The following ZC3H12B variants were observed in gnomAD, a reference collection of about 807,000 sequenced individuals.
ZC3H12B encodes zinc finger CCCH-type containing 12B, also known as probable ribonuclease ZC3H12B.
In ZC3H12B, 7 loss-of-function variants were observed where a neutral mutation model predicts 43.9. The observed-to-expected ratio is 0.16, with a 90% CI of 0.09 to 0.30. The LOEUF is 0.30. Among genes scored for constraint, ZC3H12B ranks in the 10% least tolerant of loss-of-function variants. The probability of loss-of-function intolerance (pLI) is 1.00; values close to 1 mark genes in which losing one functional copy is unlikely to be tolerated. For missense variants in ZC3H12B, 475 were observed against 670.2 expected (o/e 0.71, Z 3.22); for synonymous variants, 222 against 241.7 (o/e 0.92, Z 0.76).
chrX:65,065,955 G>T, the ZC3H12B span, among the ~76,000 whole-genome samples: 1 of 106,297 alleles, frequency 9.4e-6, no homozygotes, highest in Non-Finnish European at 1.9e-5. Context: ...ACTTGTGCAT[G>T]CTTCACAAAG....
At chrX:65,362,193 C>G (rs1385944463), upstream of ZC3H12B, among the ~76,000 whole-genome samples, 1 of 111,883 alleles carries the variant, frequency 8.9e-6, no homozygotes, top group African/African-American at 3.3e-5. Context: ...AAGACTGACA[C>G]TGCCCGATCG....
chrX:65,232,622 T>G, the ZC3H12B span, among the ~76,000 whole-genome samples: 2 of 111,317 alleles, frequency 1.8e-5, no homozygotes, highest in East Asian at 2.8e-4. Context: ...AAGCAAGAAA[T>G]TAAAACATAC....
intron 3 of ZC3H12B, among the ~76,000 whole-genome samples, chrX:65,483,636 A>T (rs1418005297): frequency 1.8e-5 from 2 of 112,034 alleles, no homozygotes; most frequent in Non-Finnish European, 3.8e-5. Context: ...GAGAGCATAT[A>T]TGTGAATGCT....
At chrX:65,410,344 C>A (rs1198185078) in intron 3 of ZC3H12B, among the ~76,000 whole-genome samples, 1 of 111,729 alleles carries the variant, frequency 9.0e-6, no homozygotes, top group African/African-American at 3.3e-5. Context: ...AATATAAGAC[C>A]TCAAACTATG....
chrX:65,499,662 A>G (rs189053168), intron 3 of ZC3H12B, among the ~76,000 whole-genome samples: 129 of 111,552 alleles, frequency 1.2e-3, no homozygotes, highest in African/African-American at 4.1e-3. Context: ...TCAAACATGT[A>G]GTTCATGGAA....
chrX:65,502,984 G>A (rs1470338095), exon 5 of ZC3H12B: 1 of 1,209,703 alleles, frequency 8.3e-7, no homozygotes, highest in East Asian at 3.0e-5. Context: ...TCATGGTACG[G>A]AGCGTGCCTG....
chrX:65,110,654 G>A, the ZC3H12B span, among the ~76,000 whole-genome samples: 6 of 111,115 alleles, frequency 5.4e-5, no homozygotes, highest in Admixed American at 3.8e-4. Context: ...ATTACTGTTC[G>A]AATCAGGAAG....
At chrX:65,437,709 T>C (rs2067238103) in intron 3 of ZC3H12B, among the ~76,000 whole-genome samples, 1 of 105,323 alleles carries the variant, frequency 9.5e-6, no homozygotes, top group African/African-American at 4.1e-5. Flanking sequence ...CTTCACTTCG[T>C]TGACTCTTTC....
At chrX:65,389,327 C>T (rs892041543) in intron 2 of ZC3H12B, among the ~76,000 whole-genome samples, 3 of 112,082 alleles carry the variant, frequency 2.7e-5, no homozygotes, top group African/African-American at 9.7e-5. Context: ...ACTCAAGCCT[C>T]GGCAATGGCA....
At chrX:65,209,711 A>G in the ZC3H12B span, among the ~76,000 whole-genome samples, 1 of 109,526 alleles carries the variant, frequency 9.1e-6, no homozygotes, top group Admixed American at 9.9e-5. Context: ...TACTGGTACC[A>G]AAACAGAGAT....
the ZC3H12B span, among the ~76,000 whole-genome samples, chrX:65,313,463 G>A: frequency 8.9e-6 from 1 of 111,840 alleles, no homozygotes; most frequent in African/African-American, 3.2e-5. Flanking sequence ...TTCTATTTGT[G>A]GGTGCACATA....
chrX:65,095,898 C>A, the ZC3H12B span, among the ~76,000 whole-genome samples: 1 of 110,790 alleles, frequency 9.0e-6, no homozygotes, highest in Non-Finnish European at 1.9e-5. Context: ...AATTCTTCCC[C>A]TTCCCCTACA....
At chrX:65,222,516 T>C in the ZC3H12B span, among the ~76,000 whole-genome samples, 1 of 108,965 alleles carries the variant, frequency 9.2e-6, no homozygotes, top group Non-Finnish European at 1.9e-5. Flanking sequence ...AAAATTAATG[T>C]ACACAAATCA....
the ZC3H12B span, among the ~76,000 whole-genome samples, chrX:65,155,640 G>A: frequency 1.1e-4 from 12 of 111,236 alleles, no homozygotes; most frequent in Admixed American, 2.9e-4. Context: ...GATCCATTGA[G>A]CCCAGGAGTT....
the ZC3H12B span, among the ~76,000 whole-genome samples, chrX:65,063,372 G>A: frequency 8.9e-6 from 1 of 111,859 alleles, no homozygotes; most frequent in Non-Finnish European, 1.9e-5. Context: ...TAGCATGAAG[G>A]CCTGTTGAAT....
the ZC3H12B span, among the ~76,000 whole-genome samples, chrX:65,125,054 A>G: frequency 4.6e-5 from 5 of 108,839 alleles, no homozygotes; most frequent in Non-Finnish European, 7.7e-5. Context: ...TGTTTCTCCA[A>G]TTTTTTGAGG....
intron 2 of ZC3H12B, among the ~76,000 whole-genome samples, chrX:65,383,273 G>C (rs181471065): frequency 1.2e-3 from 138 of 111,797 alleles, no homozygotes; most frequent in Non-Finnish European, 1.9e-3. Flanking sequence ...CAATGGAACA[G>C]AACAGAGACA....
the ZC3H12B span, among the ~76,000 whole-genome samples, chrX:65,262,180 C>T: frequency 4.7e-4 from 52 of 110,981 alleles, no homozygotes; most frequent in Admixed American, 2.0e-3. Context: ...TGTTTTAAAA[C>T]GCAAAGTTTT....
At chrX:65,290,768 A>G in the ZC3H12B span, among the ~76,000 whole-genome samples, 1 of 111,564 alleles carries the variant, frequency 9.0e-6, no homozygotes, top group Non-Finnish European at 1.9e-5. Flanking sequence ...GACAAATGCC[A>G]CATATTCTCA....
Sources: allele counts gnomAD v4.1 joint callset (sites outside exome capture counted in the v4.1 genomes callset), GRCh38; gene constraint gnomAD v4.1.1; transcripts MANE v1.5; gene names NCBI Gene and HGNC (gene_info 2026-07-23, HGNC 2026-07-21).